LAPTM4B: variants seen among roughly 807,000 people sequenced by gnomAD.
The protein encoded by LAPTM4B is lysosomal protein transmembrane 4 beta, also known as lysosomal-associated transmembrane protein 4B.
A neutral mutation model predicts 28.5 loss-of-function variants in LAPTM4B; 26 were observed. That is an observed-to-expected ratio of 0.91 (90% CI 0.67 to 1.27). The LOEUF is 1.27. Among genes scored for constraint, LAPTM4B ranks in the 50% most tolerant of loss-of-function variants. LAPTM4B has a pLI of 0.00. For missense variants in LAPTM4B, 288 were observed against 285.8 expected (o/e 1.01, Z -0.06); for synonymous variants, 109 against 106.4 (o/e 1.02, Z -0.15).
chr8:97,815,507 T>C (rs1816897478), intron 3 of LAPTM4B, 106 bp downstream of exon 3: 2 of 804,258 alleles, frequency 2.5e-6, no homozygotes, highest in East Asian at 2.6e-5. Flanking sequence ...CTGTTAAGAA[T>C]CTCTGTTTAA....
intron 1 of LAPTM4B, among the ~76,000 whole-genome samples, chr8:97,781,300 G>A (rs1485159391): frequency 3.9e-3 from 23 of 5,944 alleles, no homozygotes; most frequent in Non-Finnish European, 1.0e-3. Context: ...TTTTTTTTTT[G>A]AGGAGTTTTG....
At chr8:97,850,928 G>A (rs1270797902) in intron 6 of LAPTM4B, among the ~76,000 whole-genome samples, 1 of 151,328 alleles carries the variant, frequency 6.6e-6, no homozygotes, top group Non-Finnish European at 1.5e-5. Flanking sequence ...GGAAACTGAT[G>A]TTAAGGAACT....
chr8:97,801,269 C>G (rs536037589), intron 1 of LAPTM4B, among the ~76,000 whole-genome samples: 4 of 151,808 alleles, frequency 2.6e-5, no homozygotes, highest in South Asian at 4.2e-4. Flanking sequence ...ATCTCCGCCC[C>G]CCACTGGGTT....
chr8:97,788,222 G>C (rs1373579354), intron 1 of LAPTM4B: 1 of 294,292 alleles, frequency 3.4e-6, no homozygotes, highest in African/African-American at 2.3e-5. Flanking sequence ...GATCCAGCTA[G>C]CTTCTTCTCC....
intron 1 of LAPTM4B, among the ~76,000 whole-genome samples, chr8:97,801,592 A>T (rs1816680063): frequency 6.6e-6 from 1 of 152,160 alleles, no homozygotes; most frequent in African/African-American, 2.4e-5. Flanking sequence ...GCAGTGGCTC[A>T]CACCTGTAAT....
intron 6 of LAPTM4B, among the ~76,000 whole-genome samples, chr8:97,837,975 A>G (rs1817287164): frequency 6.6e-6 from 1 of 152,220 alleles, no homozygotes; most frequent in Admixed American, 6.5e-5. Flanking sequence ...TTAAAAGCCC[A>G]AAACAAAAGT....
In LAPTM4B at chr8:97,816,200, C is replaced by G; in HGVS notation, c.408+20C>G. 1.9e-6 allele frequency: 3 copies of G among 1,581,466 alleles called. No homozygotes were observed. Among genetic ancestry groups the G allele is most frequent in the Non-Finnish European group, 2.6e-6 (3 of 1,159,806 alleles). On this transcript the variant is annotated intron_variant, in intron 4 of 6. Transcript: ENST00000521545. ...CAACTGGTACGTGGACCTCTTACTG[C>G]TCCTTTTCATTAATTCTTTTCATTA...
At chr8:97,816,938 T>TAA (rs71271158) in intron 4 of LAPTM4B, among the ~76,000 whole-genome samples, 1 of 150,824 alleles carries the variant, frequency 6.6e-6, no homozygotes, top group African/African-American at 2.4e-5. Flanking sequence ...AGATCTCATC[T>TAA]AAAAAAAAAG....
intron 1 of LAPTM4B, among the ~76,000 whole-genome samples, chr8:97,782,026 G>A (rs1379360309): frequency 4.0e-5 from 6 of 150,928 alleles, no homozygotes; most frequent in Admixed American, 4.0e-4. Flanking sequence ...TGTTGCCCAG[G>A]CTGGAGTGCA....
intron 1 of LAPTM4B, among the ~76,000 whole-genome samples, chr8:97,779,559 C>T (rs751748471): frequency 1.3e-5 from 2 of 151,540 alleles, no homozygotes; most frequent in African/African-American, 2.4e-5. Context: ...CCGAGGTAGG[C>T]GGATCACTTG....
chr8:97,827,347 G>T (rs543460117), intron 6 of LAPTM4B, among the ~76,000 whole-genome samples: 1 of 152,276 alleles, frequency 6.6e-6, no homozygotes, highest in South Asian at 2.1e-4. Flanking sequence ...ACTGTCCTTA[G>T]GAATGCTGAA....
Position 97,816,135 on chromosome 8 carries a change from T to G in LAPTM4B, c.363T>G (p.Thr121=). ...CCCTGAACATGTTGGTTGCAATCAC[T>G]GTGCTTATTTATCCAAACTCCATTC... ...DFALNMLVAI[T]VLIYPNSIQE... is the part of the protein sequence containing the mutation. Residue 121 remains threonine (T), a synonymous_variant, in exon 4 of 7, where the codon ACT becomes ACG. Transcript: ENST00000521545. 6.2e-7 allele frequency: 1 copy of G among 1,613,958 alleles called. No homozygotes were observed. Among genetic ancestry groups the G allele is most frequent in the Non-Finnish European group, 8.5e-7 (1 of 1,179,904 alleles).
chr8:97,794,640 C>T (rs1323725036), intron 1 of LAPTM4B, among the ~76,000 whole-genome samples: 1 of 152,182 alleles, frequency 6.6e-6, no homozygotes, highest in African/African-American at 2.4e-5. Context: ...ATTGAAACTT[C>T]CCTTTGATTT....
At chr8:97,814,950 C>G (rs1049792655) in intron 2 of LAPTM4B, among the ~76,000 whole-genome samples, 3 of 152,140 alleles carry the variant, frequency 2.0e-5, no homozygotes, top group Non-Finnish European at 4.4e-5. Flanking sequence ...CCTCGGCCTC[C>G]CAAAGTGTTG....
intron 6 of LAPTM4B, among the ~76,000 whole-genome samples, chr8:97,827,484 T>A (rs1477370319): frequency 6.6e-6 from 1 of 152,228 alleles, no homozygotes; most frequent in African/African-American, 2.4e-5. Context: ...TGTATCCTTA[T>A]AATAAGCCAG....
At chr8:97,846,159 A>G (rs55976172) in intron 6 of LAPTM4B, among the ~76,000 whole-genome samples, 25,624 of 151,090 alleles carry the variant, frequency 0.17, 2,279 homozygotes, top group East Asian at 0.23. Flanking sequence ...CAACACAATC[A>G]TATCTTTTAA....
At chr8:97,848,039 G>A (rs1290878325) in intron 6 of LAPTM4B, among the ~76,000 whole-genome samples, 2 of 152,156 alleles carry the variant, frequency 1.3e-5, no homozygotes, top group East Asian at 1.9e-4. Context: ...TGAGGCAGTC[G>A]GATCACCTGA....
chr8:97,835,919 C>CTG (rs1817254268), intron 6 of LAPTM4B, among the ~76,000 whole-genome samples: 1 of 152,028 alleles, frequency 6.6e-6, no homozygotes, highest in Non-Finnish European at 1.5e-5. Flanking sequence ...ACCTGAGCAC[C>CTG]ACTTACAAGA....
intron 3 of LAPTM4B, among the ~76,000 whole-genome samples, chr8:97,815,731 T>C (rs1816901508): frequency 6.6e-6 from 1 of 152,034 alleles, no homozygotes; most frequent in Non-Finnish European, 1.5e-5. Flanking sequence ...CACACCTTGC[T>C]GATTTTTGTA....
Sources: allele counts gnomAD v4.1 joint callset (sites outside exome capture counted in the v4.1 genomes callset), GRCh38; gene constraint gnomAD v4.1.1; transcripts MANE v1.5; gene names NCBI Gene and HGNC (gene_info 2026-07-23, HGNC 2026-07-21).